ANK3: variants seen among roughly 807,000 people sequenced by gnomAD.
ANK3 encodes the protein ankyrin 3.
A neutral mutation model predicts 370.9 loss-of-function variants in ANK3; 57 were observed. The observed-to-expected ratio is 0.15, with a 90% CI of 0.12 to 0.19. The LOEUF is 0.19. Ranked by LOEUF, ANK3 falls within the 10% of genes least tolerant of loss-of-function variation. ANK3 has a pLI of 1.00. For synonymous variants in ANK3, 1,929 were observed against 1,946.3 expected (o/e 0.99, Z 0.23); for missense variants, 4,439 against 5,302.1 (o/e 0.84, Z 5.06).
intron 7 of ANK3, among the ~76,000 whole-genome samples, chr10:60,251,552 T>C (rs2097665903): frequency 1.3e-5 from 2 of 152,176 alleles, no homozygotes; most frequent in South Asian, 2.1e-4. Flanking sequence ...AAAATTCCTC[T>C]ACAAATTTTC....
intron 42 of ANK3, among the ~76,000 whole-genome samples, chr10:60,052,484 C>CT (rs1360623916): frequency 6.6e-6 from 1 of 152,090 alleles, no homozygotes; most frequent in Non-Finnish European, 1.5e-5. Context: ...AGCTTGAAAT[C>CT]TTTTTTTAAA....
At chr10:60,684,467 A>G (rs765774857) in intron 1 of ANK3, 7 of 1,210,312 alleles carry the variant, frequency 5.8e-6, no homozygotes, top group Non-Finnish European at 8.1e-6. Context: ...CAAGAAGTAG[A>G]AAGCGTTTCA....
At chr10:60,684,436 C>A (rs2079241123) in intron 1 of ANK3, 3 of 870,606 alleles carry the variant, frequency 3.4e-6, no homozygotes, top group Non-Finnish European at 5.2e-6. Context: ...GTTGGATCAC[C>A]TACGAAGAGA....
In ANK3 at chr10:60,727,272, A is replaced by G. The variant is rs185564515; in HGVS notation, c.57+5991T>C. Among the ~76,000 whole-genome samples, 2 of 152,212 alleles carry G rather than the reference A, an allele frequency of 1.3e-5. 1 individual carries two copies. The highest frequency in any genetic ancestry group is 2.9e-5 in the Non-Finnish European group (2 of 68,018). Reference sequence around the variant, plus strand: ...ATGTTAATGCAATGAAATACTACTTAGCAATAAAAAGGAATAATCTACTAA... The same window carrying G: ...ATGTTAATGCAATGAAATACTACTTGGCAATAAAAAGGAATAATCTACTAA... On this transcript the variant is annotated intron_variant, in intron 1 of 43. Coordinates refer to the ANK3 transcript ENST00000373827.
At chr10:60,347,124 T>C (rs7084499) in intron 1 of ANK3, among the ~76,000 whole-genome samples, 103,755 of 148,868 alleles carry the variant, frequency 0.7, 37,470 homozygotes, top group South Asian at 0.91. Context: ...TAGATACATG[T>C]TTACTGAATG....
intron 2 of ANK3, among the ~76,000 whole-genome samples, chr10:60,533,183 G>A (rs2076647459): frequency 6.6e-6 from 1 of 152,098 alleles, no homozygotes; most frequent in Non-Finnish European, 1.5e-5. Flanking sequence ...CTGGTACCAG[G>A]CCTTGGAAGG....
At chr10:60,356,547 G>C (rs568503857) in intron 1 of ANK3, among the ~76,000 whole-genome samples, 3 of 152,162 alleles carry the variant, frequency 2.0e-5, no homozygotes, top group African/African-American at 7.2e-5. Context: ...AGTAGCTGGA[G>C]GTTAGAACAC....
chr10:60,117,342 A>G (rs1462659872), intron 25 of ANK3, among the ~76,000 whole-genome samples: 1 of 152,168 alleles, frequency 6.6e-6, no homozygotes, highest in Non-Finnish European at 1.5e-5. Context: ...GGAATATGAC[A>G]AGTAAGAAAG....
chr10:60,134,470 C>T, intron 24 of ANK3, 97 bp from the exon 25 acceptor site: 1 of 800,212 alleles, frequency 1.2e-6, no homozygotes, highest in Non-Finnish European at 1.9e-6. Context: ...GGCAAGATGG[C>T]TAAAAATATC....
At chr10:60,185,592 T>C (rs2096303352) in intron 17 of ANK3, among the ~76,000 whole-genome samples, 1 of 152,206 alleles carries the variant, frequency 6.6e-6, no homozygotes, top group African/African-American at 2.4e-5. Context: ...ATTGCTATTT[T>C]GCAACCCTAC....
At position 60,076,040 on chromosome 10, in the gene ANK3, A is replaced by T; in HGVS notation, c.4841T>A (p.Leu1614Gln). 6.2e-7 allele frequency: 1 copy of T among 1,614,220 alleles called. No individual in the cohort carries two copies. Among genetic ancestry groups the T allele is most frequent in the Non-Finnish European group, 8.5e-7 (1 of 1,180,020 alleles). The change falls in exon 37 of 44, where the codon CTG (leucine) becomes CAG (glutamine). Residue 1614 changes from leucine (L) to glutamine (Q), a missense_variant. Transcript: ENST00000280772. ...AGAGGAAAACGTAGAATTGGATGCC[A>T]GCCCTTTTAAGGGCGTAGCTTCCGT... ...AVTEATPLKG[L>Q]ASNSTFSSRT...
Position 60,072,809 on chromosome 10 carries a change from G to A in ANK3, c.8072C>T (p.Ala2691Val), listed in dbSNP as rs1482487852. Residue 2691 changes from alanine to valine, a missense_variant, in exon 37 of 44, where the codon GCC becomes GTC. Ala to Val is a moderately conservative substitution (Grantham distance 64). Coordinates refer to ENST00000280772, the MANE Select transcript of ANK3 (RefSeq NM_020987.5). ...QTEDSKSTVEAKGSISQSKAP... is the reference protein window; with the variant it reads ...QTEDSKSTVEVKGSISQSKAP... Reference sequence around the variant, plus strand: ...TTTGCTCTGTGAAATACTTCCTTTGGCTTCCACTGTGGACTTGCTGTCCTC... The same window carrying A: ...TTTGCTCTGTGAAATACTTCCTTTGACTTCCACTGTGGACTTGCTGTCCTC... 6.2e-7 allele frequency: 1 copy of A among 1,614,072 alleles called. No individual in the cohort carries two copies. Among genetic ancestry groups the A allele is most frequent in the Admixed American group, 1.7e-5 (1 of 59,986 alleles).
At chr10:60,161,277 T>C (rs1490419053) in intron 23 of ANK3, among the ~76,000 whole-genome samples, 3 of 152,114 alleles carry the variant, frequency 2.0e-5, no homozygotes, top group Non-Finnish European at 4.4e-5. Context: ...TCATATGCTA[T>C]GGGGTAGAAA....
chr10:60,126,587 C>G (rs1474675914), intron 25 of ANK3, among the ~76,000 whole-genome samples: 1 of 151,688 alleles, frequency 6.6e-6, no homozygotes, highest in Admixed American at 6.6e-5. Context: ...ACTGGGGAGG[C>G]TGAGGCATGA....
At chr10:60,537,601 G>C (rs536368211) in intron 2 of ANK3, among the ~76,000 whole-genome samples, 1 of 151,804 alleles carries the variant, frequency 6.6e-6, no homozygotes, top group African/African-American at 2.4e-5. Flanking sequence ...TAAATGATAA[G>C]CCTGCTTTTG....
intron 2 of ANK3, among the ~76,000 whole-genome samples, chr10:60,497,818 A>G (rs1357292476): frequency 2.0e-5 from 3 of 152,212 alleles, no homozygotes; most frequent in African/African-American, 7.2e-5. Flanking sequence ...GATAACACAG[A>G]GATATAGATG....
intron 17 of ANK3, among the ~76,000 whole-genome samples, chr10:60,183,610 G>A (rs143558110): frequency 6.6e-6 from 1 of 152,214 alleles, no homozygotes; most frequent in African/African-American, 2.4e-5. Flanking sequence ...TATAATCCCA[G>A]CACTTTGGGA....
intron 28 of ANK3, among the ~76,000 whole-genome samples, chr10:60,088,748 A>G (rs556459120): frequency 6.6e-6 from 1 of 152,352 alleles, no homozygotes; most frequent in East Asian, 1.9e-4. Flanking sequence ...AATAGTCAAA[A>G]TCATTTATAC....
intron 2 of ANK3, among the ~76,000 whole-genome samples, chr10:60,590,659 G>A (rs189922046): frequency 6.6e-6 from 1 of 152,252 alleles, no homozygotes; most frequent in Admixed American, 6.5e-5. Context: ...AGTCTTTGTG[G>A]CCATTTAGTA....
Sources: gnomAD v4.1 joint callset for allele counts (sites outside exome capture counted in the v4.1 genomes callset) on GRCh38, gnomAD v4.1.1 for gene constraint, MANE v1.5 for transcripts, NCBI Gene and HGNC (gene_info 2026-07-23, HGNC 2026-07-21) for gene names.